The following BAZ2B variants were observed in gnomAD, a reference collection of about 807,000 sequenced individuals.
BAZ2B encodes the protein bromodomain adjacent to zinc finger domain protein 2B.
BAZ2B carries 91 observed loss-of-function variants against 246.0 expected under a neutral mutation model. The observed-to-expected ratio is 0.37, with a 90% CI of 0.31 to 0.44. The LOEUF (loss-of-function observed/expected upper bound fraction) is 0.44. BAZ2B is among the 20% of genes least tolerant of loss of function. The pLI, the probability that BAZ2B is intolerant of heterozygous loss-of-function variation, is 1.00. For missense variants in BAZ2B, 2,332 were observed against 2,533.7 expected (o/e 0.92, Z 1.71); for synonymous variants, 855 against 860.0 (o/e 0.99, Z 0.10).
Position 159,348,688 on chromosome 2 carries a change from C to T in BAZ2B, c.5283G>A (p.Lys1761=), listed in dbSNP as rs768935302. ...HLDYITQACL[K]NKDVAIIELN... ...CTTTTAGGTACACACCATCCTTATT[C>T]TTGAGGCAGGCTTGAGTAATATAAT... is the stretch of plus-strand genomic sequence containing the variant. The change falls in exon 30 of 37, where the codon AAG becomes AAA. Residue 1761 remains lysine (K), a synonymous_variant. Transcript: ENST00000392783. The T allele has an allele frequency of 6.3e-7, 1 of 1,597,998 alleles. No individual in the cohort carries two copies. Among genetic ancestry groups the T allele is most frequent in the East Asian group, 2.2e-5 (1 of 44,758 alleles).
the BAZ2B span, among the ~76,000 whole-genome samples, chr2:159,652,211 CTTT>C: frequency 4.3e-5 from 6 of 139,000 alleles, no homozygotes; most frequent in Non-Finnish European, 6.2e-5. Context: ...TTGTTACTCT[CTTT>C]TTTTTTTTTT....
At chr2:159,447,246 A>C (rs1175498632) in intron 5 of BAZ2B, among the ~76,000 whole-genome samples, 1 of 152,222 alleles carries the variant, frequency 6.6e-6, no homozygotes, top group Non-Finnish European at 1.5e-5. Flanking sequence ...TGCAGTGATA[A>C]AAATGTTTCA....
rs560670915 is a variant in BAZ2B at position 159,438,636 on chromosome 2, G to A, written c.960C>T (p.Ala320=). ...KADGQKATEK[A]QEKRIHQPLP... is the part of the protein sequence containing the mutation. ...ATGGCTGGTGTATTCTTTTTTCCTGGGCTTTTTCAGTTGCTTTCTGTCCAT... is the reference window on the plus strand; with the variant it reads ...ATGGCTGGTGTATTCTTTTTTCCTGAGCTTTTTCAGTTGCTTTCTGTCCAT... Residue 320 remains alanine, a synonymous_variant, in exon 8 of 37, where the codon GCC becomes GCT. Coordinates refer to ENST00000392783, the MANE Select transcript of BAZ2B (RefSeq NM_013450.4). The A allele has an allele frequency of 1.2e-6, 2 of 1,613,348 alleles. No individual in the cohort carries two copies. Among genetic ancestry groups the A allele is most frequent in the East Asian group, 4.5e-5 (2 of 44,850 alleles).
intron 1 of BAZ2B, among the ~76,000 whole-genome samples, chr2:159,612,518 T>A (rs999048673): frequency 6.6e-6 from 1 of 152,108 alleles, no homozygotes; most frequent in African/African-American, 2.4e-5. Flanking sequence ...AAACTACAAC[T>A]TAAGATCCCT....
At position 159,616,367 on chromosome 2, in the gene BAZ2B, TAA is replaced by T. The variant is rs1170696629; in HGVS notation, c.-173_-172del. ...TATTATTATTTCTGCAAGAAAAGTATAAAGAGAGTTGTAGTGGAGGTGAGATT... is the reference window on the plus strand; with the variant it reads ...TATTATTATTTCTGCAAGAAAAGTATAGAGAGTTGTAGTGGAGGTGAGATT... On this transcript the variant is annotated 5_prime_UTR_variant, in exon 1 of 37. Transcript: ENST00000392783. 1 of 152,216 alleles carries T rather than the reference TAA, an allele frequency of 6.6e-6. No individual in the cohort carries two copies. The highest frequency in any genetic ancestry group is 1.5e-5 in the Non-Finnish European group (1 of 68,042). The allele number at this position is 152,216 out of a possible 1,614,324, so 9.4% of individuals were successfully genotyped here. A position where few individuals can be genotyped will look rare whatever the true frequency, so the allele number is the denominator to read the frequency against.
At chr2:159,373,981 T>A (rs1233076059) in intron 26 of BAZ2B, among the ~76,000 whole-genome samples, 5 of 152,138 alleles carry the variant, frequency 3.3e-5, no homozygotes, top group African/African-American at 1.2e-4. Flanking sequence ...CACAGGCATC[T>A]CGTAATACCT....
the BAZ2B span, among the ~76,000 whole-genome samples, chr2:159,677,785 G>A: frequency 1.3e-5 from 2 of 152,096 alleles, no homozygotes; most frequent in Non-Finnish European, 1.5e-5. Context: ...CATTTAGGAA[G>A]ATAAAAACAA....
At chr2:159,643,931 C>A in the BAZ2B span, among the ~76,000 whole-genome samples, 1 of 146,716 alleles carries the variant, frequency 6.8e-6, no homozygotes, top group East Asian at 2.0e-4. Context: ...ACTCAAACAT[C>A]TAAAGCCCAA....
rs1361585077 is a variant in BAZ2B, at chr2:159,431,189, A to G, written c.1901-33T>C. ...GTAAAAGAAGCATTTGTATATTATA[A>G]CTAGATAATCACCAATAATTTGCAG... On this transcript the variant is annotated intron_variant, in intron 9 of 36. Coordinates refer to ENST00000392783, the MANE Select transcript of BAZ2B (RefSeq NM_013450.4). 4 of 1,560,946 alleles carry G rather than the reference A, an allele frequency of 2.6e-6. No homozygotes were observed. In the African/African-American group the frequency reaches 5.5e-5, roughly 21 times the overall value.
chr2:159,504,204 C>G (rs183835440), intron 2 of BAZ2B, among the ~76,000 whole-genome samples: 2 of 151,634 alleles, frequency 1.3e-5, no homozygotes, highest in African/African-American at 4.9e-5. Context: ...GGTACATGTG[C>G]ACAATGTGCA....
Position 159,347,579 on chromosome 2 carries a change from T to C in BAZ2B, c.5361A>G (p.Ser1787=), listed in dbSNP as rs1346849529. Residue 1787 remains serine (S), a synonymous_variant, in exon 31 of 37, where the codon TCA becomes TCG. Coordinates refer to ENST00000392783, the MANE Select transcript of BAZ2B (RefSeq NM_013450.4). ...QVTRDIVENW[S]VEEQAMEMDL... ...CCATTTCCATTGCTTGTTCTTCTAC[T>C]GACCAGTTCTCCACAATATCTCGAG... 1 of 1,613,290 alleles carries C rather than the reference T, an allele frequency of 6.2e-7. No homozygotes were observed. Among genetic ancestry groups the C allele is most frequent in the South Asian group, 1.1e-5 (1 of 91,050 alleles).
chr2:159,655,120 TAAAC>T, the BAZ2B span, among the ~76,000 whole-genome samples: 1 of 152,044 alleles, frequency 6.6e-6, no homozygotes, highest in Non-Finnish European at 1.5e-5. Context: ...CAAAATAACT[TAAAC>T]AAACATGCAC....
intron 2 of BAZ2B, among the ~76,000 whole-genome samples, chr2:159,536,598 G>C (rs1335823189): frequency 6.6e-6 from 1 of 152,132 alleles, no homozygotes; most frequent in Non-Finnish European, 1.5e-5. Flanking sequence ...TTTAAAATTT[G>C]TTGAAAGAAT....
chr2:159,448,140 C>A, intron 5 of BAZ2B, 102 bp downstream of exon 5: 1 of 1,347,106 alleles, frequency 7.4e-7, no homozygotes, highest in East Asian at 2.5e-5. Flanking sequence ...AACAAACAAA[C>A]AAACAAAAAC....
rs1356014311 is a variant in BAZ2B at position 159,389,415 on chromosome 2, C to T, written c.3146G>A (p.Arg1049Gln). ...RLNKERKLEQRRLELEMAKEL... is the reference protein window; with the variant it reads ...RLNKERKLEQQRLELEMAKEL... ...CTTTGCCATTTCTAATTCTAATCTT[C>T]GCTGCTCTAGTTTACGCTCTTTATT... The change falls in exon 21 of 37, where the codon CGA becomes CAA. Residue 1049 changes from arginine to glutamine, a missense_variant. Arg to Gln is a conservative substitution (Grantham distance 43). Transcript: ENST00000392783. The T allele has an allele frequency of 3.1e-6, 5 of 1,612,056 alleles. No individual in the cohort carries two copies. Among genetic ancestry groups the T allele is most frequent in the African/African-American group, 2.7e-5 (2 of 74,870 alleles).
At chr2:159,575,575 C>T (rs1685101410) in intron 1 of BAZ2B, among the ~76,000 whole-genome samples, 1 of 152,136 alleles carries the variant, frequency 6.6e-6, no homozygotes, top group South Asian at 2.1e-4. Context: ...AAGGTTGGAC[C>T]ACAGTATTTG....
intron 2 of BAZ2B, among the ~76,000 whole-genome samples, chr2:159,486,689 A>T (rs1287357181): frequency 6.6e-6 from 1 of 151,616 alleles, no homozygotes; most frequent in African/African-American, 2.4e-5. Flanking sequence ...AGGAATATAT[A>T]TCCTAGAAAT....
At chr2:159,645,280 T>A in the BAZ2B span, among the ~76,000 whole-genome samples, 616 of 45,744 alleles carry the variant, frequency 0.013, 29 homozygotes, top group South Asian at 0.16. Flanking sequence ...CTAAAAAAAG[T>A]TTTTTTTTTT....
rs1456279026 is a variant in BAZ2B at position 159,506,564 on chromosome 2, C to T, written c.-2-27843G>A. Among the ~76,000 whole-genome samples the T allele has an allele frequency of 3.3e-5, 5 of 152,086 alleles. No individual in the cohort carries two copies. In the East Asian group the frequency reaches 5.8e-4, roughly 18 times the overall value. ...TCTCCTGGTACTTGGGCAGTAACTC[C>T]GCAAAGAACCAGATCGGCCCAGTCC... On this transcript the variant is annotated intron_variant, in intron 2 of 36. Transcript: ENST00000392783.
Sources: allele counts gnomAD v4.1 joint callset (sites outside exome capture counted in the v4.1 genomes callset), GRCh38; gene constraint gnomAD v4.1.1; transcripts MANE v1.5; gene names NCBI Gene and HGNC (gene_info 2026-07-23, HGNC 2026-07-21).